Variants in CHSY3 observed in about 807,000 individuals in gnomAD.
The protein encoded by CHSY3 is N-acetylgalactosaminyl-proteoglycan 3-beta-glucuronosyltransferase 3.
Under a neutral mutation model 67.2 loss-of-function variants are expected in CHSY3, and 35 were observed. The ratio of observed to expected loss-of-function variants is 0.52; its 90% CI spans 0.40 to 0.69. The LOEUF is 0.69. CHSY3 is among the 30% of genes least tolerant of loss of function. The pLI is 0.00. For missense variants in CHSY3, 1,069 were observed against 1,138.5 expected, an observed-to-expected ratio of 0.94 and a Z score of 0.88; for synonymous variants, 474 against 434.7, an observed-to-expected ratio of 1.09 and a Z score of -1.12.
At chr5:130,046,902 A>G (rs952539599) in intron 2 of CHSY3, among the ~76,000 whole-genome samples, 2 of 151,968 alleles carry the variant, frequency 1.3e-5, no homozygotes, top group African/African-American at 2.4e-5. Flanking sequence ...TTGGATTTTT[A>G]ATTAATAAAT....
intron 2 of CHSY3, among the ~76,000 whole-genome samples, chr5:129,981,263 A>G (rs946785497): frequency 6.6e-6 from 1 of 151,592 alleles, no homozygotes; most frequent in Non-Finnish European, 1.5e-5. Flanking sequence ...ATGTGGATCT[A>G]TTTCTGAGCT....
At chr5:129,907,183 G>A (rs976397057) in intron 1 of CHSY3, among the ~76,000 whole-genome samples, 3 of 152,106 alleles carry the variant, frequency 2.0e-5, no homozygotes, top group Admixed American at 6.5e-5. Flanking sequence ...TCTTTCATTT[G>A]TTTTAATACT....
intron 2 of CHSY3, among the ~76,000 whole-genome samples, chr5:130,024,460 A>C (rs1764482716): frequency 6.6e-6 from 1 of 152,112 alleles, no homozygotes; most frequent in South Asian, 2.1e-4. Context: ...TAGTTTGGGA[A>C]GTGTTTATTT....
intron 2 of CHSY3, among the ~76,000 whole-genome samples, chr5:130,153,315 C>T (rs371137415): frequency 2.6e-5 from 4 of 151,924 alleles, no homozygotes; most frequent in African/African-American, 7.2e-5. Flanking sequence ...AAAAAACATA[C>T]GACATAATTC....
chr5:130,150,334 A>C (rs1304051672), intron 2 of CHSY3, among the ~76,000 whole-genome samples: 1 of 152,182 alleles, frequency 6.6e-6, no homozygotes, highest in Non-Finnish European at 1.5e-5. Flanking sequence ...GAAATTATAA[A>C]TTGTAATCAA....
intron 2 of CHSY3, among the ~76,000 whole-genome samples, chr5:129,995,135 G>A (rs141011151): frequency 3.3e-4 from 50 of 152,216 alleles, no homozygotes; most frequent in Middle Eastern, 3.4e-3. Context: ...ATCCACCCTA[G>A]TGATGTGTAG....
At chr5:130,113,293 T>A (rs1255722840) in intron 2 of CHSY3, among the ~76,000 whole-genome samples, 3 of 152,180 alleles carry the variant, frequency 2.0e-5, no homozygotes, top group African/African-American at 7.2e-5. Flanking sequence ...TCATGCATAA[T>A]GTTCCAATTT....
intron 2 of CHSY3, among the ~76,000 whole-genome samples, chr5:129,938,761 C>T (rs1266080378): frequency 3.3e-5 from 5 of 152,168 alleles, no homozygotes; most frequent in South Asian, 2.1e-4. Flanking sequence ...GACTGGGCTT[C>T]GTTGTCCATA....
At chr5:130,175,531 C>G (rs559924680) in intron 2 of CHSY3, among the ~76,000 whole-genome samples, 1 of 152,164 alleles carries the variant, frequency 6.6e-6, no homozygotes, top group South Asian at 2.1e-4. Flanking sequence ...GGAATCAAAA[C>G]AGAGCCTGTA....
intron 2 of CHSY3, among the ~76,000 whole-genome samples, chr5:130,014,495 C>G (rs923948930): frequency 5.3e-5 from 8 of 152,202 alleles, no homozygotes; most frequent in African/African-American, 1.9e-4. Context: ...GAGTGCCAGG[C>G]CAGATGGGGA....
intron 2 of CHSY3, among the ~76,000 whole-genome samples, chr5:129,960,302 G>T (rs1035612036): frequency 6.6e-6 from 1 of 151,962 alleles, no homozygotes; most frequent in Non-Finnish European, 1.5e-5. Flanking sequence ...ATCTTTGAAG[G>T]TTTTTGGCCA....
intron 2 of CHSY3, among the ~76,000 whole-genome samples, chr5:130,153,805 A>G (rs1769296493): frequency 6.6e-6 from 1 of 151,896 alleles, no homozygotes; most frequent in Non-Finnish European, 1.5e-5. Context: ...TTGTTCATTT[A>G]GTTTTTGTTT....
At chr5:129,952,447 A>G (rs1401389317) in intron 2 of CHSY3, among the ~76,000 whole-genome samples, 1 of 152,214 alleles carries the variant, frequency 6.6e-6, no homozygotes, top group East Asian at 1.9e-4. Flanking sequence ...ACAGAATTGT[A>G]TTCATTTTGC....
chr5:130,024,616 A>T (rs1462456541), intron 2 of CHSY3, among the ~76,000 whole-genome samples: 1 of 152,170 alleles, frequency 6.6e-6, no homozygotes, highest in African/African-American at 2.4e-5. Context: ...ACTTTTGCTG[A>T]TTTCATATTG....
chr5:129,905,878 T>TTAATGATA, intron 1 of CHSY3: 2 of 816,664 alleles, frequency 2.4e-6, no homozygotes, highest in South Asian at 2.3e-5. Context: ...CTTGCTGTTT[T>TTAATGATA]CGGTGCCGCC....
chr5:129,912,886 T>TG (rs769797942), intron 2 of CHSY3, among the ~76,000 whole-genome samples: 1 of 152,214 alleles, frequency 6.6e-6, no homozygotes, highest in Non-Finnish European at 1.5e-5. Context: ...TAAGGCCATA[T>TG]GGCAGATGTT....
chr5:130,114,314 A>G (rs1416682148), intron 2 of CHSY3: 1 of 152,156 alleles, frequency 6.6e-6, no homozygotes, highest in Non-Finnish European at 1.5e-5. Flanking sequence ...ATAATAATGA[A>G]TAATACAGTG....
At chr5:130,175,979 A>G (rs559785523) in intron 2 of CHSY3, among the ~76,000 whole-genome samples, 1 of 152,354 alleles carries the variant, frequency 6.6e-6, no homozygotes, top group African/African-American at 2.4e-5. Flanking sequence ...AGCAATGGCA[A>G]CAAAAGCCAA....
chr5:130,002,525 T>C (rs1298171808), intron 2 of CHSY3, among the ~76,000 whole-genome samples: 1 of 152,128 alleles, frequency 6.6e-6, no homozygotes, highest in Admixed American at 6.5e-5. Flanking sequence ...GCAGCCCCCA[T>C]CCTGGCTAGC....
Sources: gnomAD v4.1 joint callset for allele counts (sites outside exome capture counted in the v4.1 genomes callset) on GRCh38, gnomAD v4.1.1 for gene constraint, MANE v1.5 for transcripts, NCBI Gene and HGNC (gene_info 2026-07-23, HGNC 2026-07-21) for gene names.